The following VKORC1L1 variants were observed in gnomAD, a reference collection of about 807,000 sequenced individuals.
VKORC1L1 encodes vitamin K epoxide reductase complex subunit 1-like protein 1.
Under a neutral mutation model 18.9 loss-of-function variants are expected in VKORC1L1, and 2 were observed. The ratio of observed to expected loss-of-function variants is 0.11; its 90% CI spans 0.04 to 0.33. The LOEUF (loss-of-function observed/expected upper bound fraction) is 0.33, where lower values mean the gene tolerates loss of function less well. Ranked by LOEUF, VKORC1L1 falls within the 10% of genes least tolerant of loss-of-function variation. VKORC1L1 has a pLI of 1.00. For synonymous variants in VKORC1L1, 96 were observed against 100.0 expected (o/e 0.96, Z 0.24); for missense variants, 123 against 224.1 (o/e 0.55, Z 2.88).
At chr7:65,927,590 C>T (rs1789787296) in intron 1 of VKORC1L1, among the ~76,000 whole-genome samples, 2 of 149,928 alleles carry the variant, frequency 1.3e-5, no homozygotes, top group African/African-American at 5.1e-5. Flanking sequence ...ACACCCAGCA[C>T]AGTCACAACA....
In VKORC1L1 at chr7:65,958,861, T is replaced by C. The variant is rs931576464; in HGVS notation, c.*4561T>C. 2.0e-5 allele frequency: 3 copies of C among 152,228 alleles called. No individual in the cohort carries two copies. The highest frequency in any genetic ancestry group is 7.2e-5 in the African/African-American group (3 of 41,452). 9.4% of individuals were successfully genotyped at this position (152,228 alleles called of 1,614,324 possible). ...GTATTAATGAGCTGTTTTTCCATAG[T>C]TTTACTTTAGCTTACCTTGAATACT... On this transcript the variant is annotated 3_prime_UTR_variant, in exon 3 of 3. Coordinates refer to ENST00000360768, the MANE Select transcript of VKORC1L1 (RefSeq NM_173517.6).
chr7:65,943,583 C>T (rs1279211286), intron 1 of VKORC1L1, among the ~76,000 whole-genome samples: 1 of 152,102 alleles, frequency 6.6e-6, no homozygotes, highest in Non-Finnish European at 1.5e-5. Flanking sequence ...TTTTAATGGT[C>T]AGGAGTTCGA....
At chr7:65,921,796 G>A (rs1044185441) in intron 1 of VKORC1L1, among the ~76,000 whole-genome samples, 17 of 151,728 alleles carry the variant, frequency 1.1e-4, no homozygotes, top group South Asian at 8.3e-4. Flanking sequence ...TGCAGTGAGC[G>A]GAGATCATGC....
At chr7:65,942,598 C>T (rs569368559) in intron 1 of VKORC1L1, among the ~76,000 whole-genome samples, 1 of 151,024 alleles carries the variant, frequency 6.6e-6, no homozygotes. Flanking sequence ...AGTGCAGTGG[C>T]GCAATCTCGG....
upstream of VKORC1L1, among the ~76,000 whole-genome samples, chr7:65,868,592 T>C (rs945022528): frequency 2.0e-5 from 3 of 152,188 alleles, no homozygotes; most frequent in African/African-American, 7.2e-5. Context: ...CAACAGATGA[T>C]TGGATAAAGA....
intron 1 of VKORC1L1, among the ~76,000 whole-genome samples, chr7:65,906,055 C>A (rs1789400800): frequency 6.6e-6 from 1 of 151,874 alleles, no homozygotes; most frequent in South Asian, 2.1e-4. Context: ...TTCATTGGTT[C>A]TAGAATGTGA....
At chr7:65,897,836 A>G (rs2116381800) in intron 1 of VKORC1L1, among the ~76,000 whole-genome samples, 1 of 152,266 alleles carries the variant, frequency 6.6e-6, no homozygotes, top group Admixed American at 6.5e-5. Context: ...AATAGTGTGT[A>G]TACATCAAGT....
intron 1 of VKORC1L1, among the ~76,000 whole-genome samples, chr7:65,883,718 T>C (rs1304422481): frequency 6.6e-6 from 1 of 151,758 alleles, no homozygotes; most frequent in Non-Finnish European, 1.5e-5. Context: ...CAGGCTGGTC[T>C]CGACCTCCTG....
chr7:65,895,465 AAAAAAAAAAAAAAAAAT>A (rs1426272854), intron 1 of VKORC1L1, among the ~76,000 whole-genome samples: 2 of 48,252 alleles, frequency 4.1e-5, no homozygotes, highest in Admixed American at 5.8e-4. Flanking sequence ...AAAAAAAAAA[AAAAAAAAAAAAAAAAAT>A]ATATATATAT....
intron 1 of VKORC1L1, among the ~76,000 whole-genome samples, chr7:65,913,017 T>C (rs994274513): frequency 2.0e-5 from 3 of 152,144 alleles, no homozygotes; most frequent in African/African-American, 4.8e-5. Flanking sequence ...TCTGTCTGCG[T>C]TACTGGCAAG....
At chr7:65,912,699 T>C (rs1342598015) in intron 1 of VKORC1L1, among the ~76,000 whole-genome samples, 4 of 152,148 alleles carry the variant, frequency 2.6e-5, no homozygotes, top group Non-Finnish European at 5.9e-5. Context: ...GCTTCTCACA[T>C]TGTGATGAGG....
the VKORC1L1 span, among the ~76,000 whole-genome samples, chr7:65,867,237 G>A: frequency 6.6e-6 from 1 of 151,846 alleles, no homozygotes; most frequent in South Asian, 2.1e-4. Flanking sequence ...AGAAGAAGAA[G>A]AAGAAATGGT....
At chr7:65,952,859 C>A (rs1000967997) in intron 2 of VKORC1L1, among the ~76,000 whole-genome samples, 9 of 132,148 alleles carry the variant, frequency 6.8e-5, no homozygotes, top group Non-Finnish European at 4.6e-5. Flanking sequence ...AATCTTATCT[C>A]ACTGCAACCT....
chr7:65,907,046 T>A (rs1789417679), intron 1 of VKORC1L1, among the ~76,000 whole-genome samples: 1 of 152,182 alleles, frequency 6.6e-6, no homozygotes, highest in South Asian at 2.1e-4. Flanking sequence ...TGGAGCAAAG[T>A]AGTGCTTTAT....
upstream of VKORC1L1, among the ~76,000 whole-genome samples, chr7:65,870,110 CCATTCATT>C (rs1050419587): frequency 6.6e-6 from 1 of 151,438 alleles, no homozygotes; most frequent in East Asian, 1.9e-4. Context: ...TTTTGAGTGT[CCATTCATT>C]CATTCATTCA....
At position 65,890,837 on chromosome 7, in the gene VKORC1L1, C is replaced by T. The variant is rs555249487; in HGVS notation, c.194+17272C>T. ...TTTTGTGTGTAACTGAGGTATATGT[C>T]ATACACAATAAAAACAAAAATGTAC... On this transcript the variant is annotated intron_variant, in intron 1 of 2. Coordinates refer to ENST00000360768, the MANE Select transcript of VKORC1L1 (RefSeq NM_173517.6). Among the ~76,000 whole-genome samples, 9 of 152,240 alleles carry T rather than the reference C, an allele frequency of 5.9e-5. No individual in the cohort carries two copies. In the South Asian group the frequency reaches 1.9e-3, roughly 32 times the overall value.
intron 1 of VKORC1L1, among the ~76,000 whole-genome samples, chr7:65,919,073 G>A (rs1789633421): frequency 1.3e-5 from 2 of 152,188 alleles, no homozygotes; most frequent in East Asian, 3.9e-4. Flanking sequence ...GGGTGACAGA[G>A]CGAGACCCTT....
intron 1 of VKORC1L1, among the ~76,000 whole-genome samples, chr7:65,900,322 G>T (rs933934791): frequency 2.6e-5 from 4 of 151,106 alleles, no homozygotes; most frequent in African/African-American, 9.7e-5. Flanking sequence ...CCCGGGAGGG[G>T]AGGCGGAGCT....
At chr7:65,917,427 C>G (rs1400050768) in intron 1 of VKORC1L1, among the ~76,000 whole-genome samples, 1 of 152,200 alleles carries the variant, frequency 6.6e-6, no homozygotes, top group Non-Finnish European at 1.5e-5. Flanking sequence ...CTGTCTACCT[C>G]TCCTTCCTTG....
Sources: gnomAD v4.1 joint callset for allele counts (sites outside exome capture counted in the v4.1 genomes callset) on GRCh38, gnomAD v4.1.1 for gene constraint, MANE v1.5 for transcripts, NCBI Gene and HGNC (gene_info 2026-07-23, HGNC 2026-07-21) for gene names.